The following MEOX1 variants were observed in gnomAD, a reference collection of about 807,000 sequenced individuals.
The protein encoded by MEOX1 is mesenchyme homeobox 1.
Under a neutral mutation model 23.2 loss-of-function variants are expected in MEOX1, and 17 were observed. That is an observed-to-expected ratio of 0.73 (90% CI 0.50 to 1.10). MEOX1 has a LOEUF of 1.10. Among genes scored for constraint, MEOX1 ranks in the 50% least tolerant of loss-of-function variants. The pLI is 0.00. For synonymous variants in MEOX1, 134 were observed against 135.1 expected, an observed-to-expected ratio of 0.99 and a Z score of 0.06; for missense variants, 333 against 332.2, an observed-to-expected ratio of 1.00 and a Z score of -0.02.
rs1336762533 is a variant in MEOX1, at chr17:43,661,260, G to A, written c.275C>T (p.Pro92Leu). ...GTCTGAGACAGGGAAGTGCCAGTTGGGGGACTGTGGGAAAGCGGGGTGCTG... is the reference window on the plus strand; with the variant it reads ...GTCTGAGACAGGGAAGTGCCAGTTGAGGGACTGTGGGAAAGCGGGGTGCTG... ...TEQHPAFPQS[P>L]NWHFPVSDAR... The change falls in exon 1 of 3, where the codon CCC becomes CTC. Residue 92 changes from proline (P) to leucine (L), a missense_variant. Transcript: ENST00000318579. 1 of 1,609,630 alleles carries A rather than the reference G, an allele frequency of 6.2e-7. No individual in the cohort carries two copies. Among genetic ancestry groups the A allele is most frequent in the Admixed American group, 1.7e-5 (1 of 59,738 alleles).
rs141693578 is a variant in MEOX1, at chr17:43,661,409, C to T, written c.126G>A (p.Pro42=). Residue 42 remains proline (P), a synonymous_variant, in exon 1 of 3, where the codon CCG becomes CCA. Coordinates refer to ENST00000318579, the MANE Select transcript of MEOX1 (RefSeq NM_004527.4). ...ASGLPHYPPT[P]FSFHQKPDFL... is the part of the protein sequence containing the mutation. ...AGTCTGGTTTCTGGTGGAAGGAGAA[C>T]GGGGTGGGCGGGTAGTGGGGTAGCC... is the stretch of plus-strand genomic sequence containing the variant. 1.1e-3 allele frequency: 730 copies of T among 685,850 alleles called. 7 individuals are homozygous for T. The African/African-American group carries it at 0.012, about 11-fold the overall frequency. The allele number at this position is 685,850 out of a possible 1,614,324, so 42.5% of individuals were successfully genotyped here. A position where few individuals can be genotyped will look rare whatever the true frequency, so the allele number is the denominator to read the frequency against.
intron 1 of MEOX1, among the ~76,000 whole-genome samples, chr17:43,653,464 G>A (rs1972955961): frequency 6.8e-6 from 1 of 147,368 alleles, no homozygotes; most frequent in Non-Finnish European, 1.5e-5. Flanking sequence ...CCTTTCCTCT[G>A]TCAAACAGCT....
intron 1 of MEOX1, among the ~76,000 whole-genome samples, chr17:43,652,877 G>A (rs1972944815): frequency 7.3e-6 from 1 of 136,918 alleles, no homozygotes; most frequent in African/African-American, 2.7e-5. Flanking sequence ...TGTCGCCCAG[G>A]CTGGAGTGCA....
At chr17:43,653,054 G>A (rs920375274) in intron 1 of MEOX1, among the ~76,000 whole-genome samples, 1 of 150,978 alleles carries the variant, frequency 6.6e-6, no homozygotes, top group African/African-American at 2.4e-5. Context: ...GGATGGTCTC[G>A]ATCTTCTGAC....
chr17:43,642,338 ACCTC>A (rs1174547014), intron 2 of MEOX1, among the ~76,000 whole-genome samples: 1 of 151,558 alleles, frequency 6.6e-6, no homozygotes, highest in Non-Finnish European at 1.5e-5. Context: ...CCTGCCCCCT[ACCTC>A]CATTCCCCAA....
intron 1 of MEOX1, among the ~76,000 whole-genome samples, chr17:43,648,816 A>C (rs930666202): frequency 6.6e-6 from 1 of 152,058 alleles, no homozygotes; most frequent in Non-Finnish European, 1.5e-5. Flanking sequence ...CTCTGTTCCA[A>C]AGCCCTCCCC....
intron 1 of MEOX1, among the ~76,000 whole-genome samples, chr17:43,656,319 ACAGT>A (rs1973017704): frequency 6.6e-6 from 1 of 152,130 alleles, no homozygotes; most frequent in Non-Finnish European, 1.5e-5. Context: ...CCACCAGAGC[ACAGT>A]CAGAGAGGGG....
intron 1 of MEOX1, among the ~76,000 whole-genome samples, 188 bp downstream of exon 1, chr17:43,660,878 A>G (rs938093696): frequency 1.3e-5 from 2 of 152,108 alleles, no homozygotes; most frequent in African/African-American, 4.8e-5. Flanking sequence ...GGACACAGAC[A>G]TGGTCCCCAT....
At chr17:43,660,935 C>T in intron 1 of MEOX1, 131 bp downstream of exon 1, 2 of 533,118 alleles carry the variant, frequency 3.8e-6, no homozygotes, top group Non-Finnish European at 6.5e-6. Context: ...CCAAAGGTAA[C>T]TGGTCCAGTC....
At chr17:43,653,336 C>T (rs1972953742) in intron 1 of MEOX1, among the ~76,000 whole-genome samples, 2 of 150,880 alleles carry the variant, frequency 1.3e-5, no homozygotes, top group Admixed American at 1.3e-4. Context: ...GACAGGGTTT[C>T]ATCATGTTGG....
rs764072880 is a variant in MEOX1, at chr17:43,640,700, A to G, written c.*1210T>C. ...GAGGCAGCCAGGGCTTCAGTCCCCC[A>G]TGCTCTTTGGCCATCAGTCCTCAAA... On this transcript the variant is annotated 3_prime_UTR_variant, in exon 3 of 3. Coordinates refer to ENST00000318579, the MANE Select transcript of MEOX1 (RefSeq NM_004527.4). 2.0e-5 allele frequency: 3 copies of G among 152,204 alleles called. No individual in the cohort carries two copies. Among genetic ancestry groups the G allele is most frequent in the Non-Finnish European group, 4.4e-5 (3 of 68,044 alleles). 9.4% of individuals were successfully genotyped at this position (152,204 alleles called of 1,614,324 possible). A position where few individuals can be genotyped will look rare whatever the true frequency, so the allele number is the denominator to read the frequency against.
chr17:43,658,069 G>A (rs571002806), intron 1 of MEOX1, among the ~76,000 whole-genome samples: 3 of 152,344 alleles, frequency 2.0e-5, no homozygotes, highest in South Asian at 2.1e-4. Context: ...AAAAGTTGCC[G>A]TGCTGACACT....
chr17:43,655,904 C>G (rs569564916), intron 1 of MEOX1, among the ~76,000 whole-genome samples: 2 of 152,198 alleles, frequency 1.3e-5, no homozygotes, highest in Non-Finnish European at 2.9e-5. Flanking sequence ...TTCGGTTTTG[C>G]AAGATTAAAA....
chr17:43,642,153 A>T (rs1972709346), intron 2 of MEOX1, 121 bp from the exon 3 acceptor site: 1 of 985,652 alleles, frequency 1.0e-6, no homozygotes, highest in Admixed American at 2.7e-5. Context: ...ATCACTTACC[A>T]CTCCCTACTC....
chr17:43,658,709 T>TG (rs892057805), intron 1 of MEOX1, among the ~76,000 whole-genome samples: 3 of 152,154 alleles, frequency 2.0e-5, no homozygotes, highest in African/African-American at 7.2e-5. Context: ...TCATGAGCCT[T>TG]GCGTCACTTT....
Position 43,661,205 on chromosome 17 carries a change from T to G in MEOX1, c.330A>C (p.Ala110=). Residue 110 remains alanine, a synonymous_variant, in exon 1 of 3, where the codon GCA becomes GCC. Coordinates refer to ENST00000318579, the MANE Select transcript of MEOX1 (RefSeq NM_004527.4). ...TGGTCCCCATTTCCTTGGAACCCCC[T>G]GCCGGGCCTGAGTTGGGCCTGCGCC... ...DARRRPNSGP[A]GGSKEMGTSS... 1 of 1,608,530 alleles carries G rather than the reference T, an allele frequency of 6.2e-7. No individual in the cohort carries two copies. The highest frequency in any genetic ancestry group is 2.2e-5 in the East Asian group (1 of 44,800).
In MEOX1 at chr17:43,641,815, C is replaced by T. The variant is rs910550108; in HGVS notation, c.*95G>A. The T allele has an allele frequency of 7.5e-7, 1 of 1,341,896 alleles. No homozygotes were observed. The highest frequency in any genetic ancestry group is 1.5e-5 in the African/African-American group (1 of 68,636). The allele number at this position is 1,341,896 out of a possible 1,614,324, so 83.1% of individuals were successfully genotyped here. ...TCAGGGAAAGATGTGGAGAGGCTGC[C>T]CTGGCTGGGGAAGGAAGAGGGTGAA... On this transcript the variant is annotated 3_prime_UTR_variant, in exon 3 of 3. Coordinates refer to ENST00000318579, the MANE Select transcript of MEOX1 (RefSeq NM_004527.4).
rs201255960 is a variant in MEOX1 at position 43,661,142 on chromosome 17, G to C, written c.393C>G (p.Gly131=). Residue 131 remains glycine (G), a synonymous_variant, in exon 1 of 3, where the codon GGC becomes GGG. Coordinates refer to ENST00000318579, the MANE Select transcript of MEOX1 (RefSeq NM_004527.4). ...LGLVDTTGGP[G]DDYGVLGSTA... ...TGCTCCCAAGCACCCCGTAGTCATC[G>C]CCTGGGCCTCCTGTGGTGTCCACCA... The C allele has an allele frequency of 1.9e-5, 29 of 1,548,802 alleles. No individual in the cohort carries two copies. Among genetic ancestry groups the C allele is most frequent in the Non-Finnish European group, 2.5e-5 (29 of 1,150,696 alleles).
intron 1 of MEOX1, among the ~76,000 whole-genome samples, chr17:43,655,052 A>AAAAAAG (rs1290532317): frequency 2.0e-5 from 3 of 151,926 alleles, no homozygotes; most frequent in South Asian, 2.1e-4. Context: ...ACTCCGTCTC[A>AAAAAAG]AAAAAGAAAA....
Sources: gnomAD v4.1 joint callset for allele counts (sites outside exome capture counted in the v4.1 genomes callset) on GRCh38, gnomAD v4.1.1 for gene constraint, MANE v1.5 for transcripts, NCBI Gene and HGNC (gene_info 2026-07-23, HGNC 2026-07-21) for gene names.